ELAVL4: variants seen among roughly 807,000 people sequenced by gnomAD.
The protein encoded by ELAVL4 is ELAV-like protein 4.
ELAVL4 carries 1 observed loss-of-function variant against 35.6 expected under a neutral mutation model. The ratio of observed to expected loss-of-function variants is 0.03; its 90% CI spans 0.01 to 0.13. The LOEUF (loss-of-function observed/expected upper bound fraction) is 0.13, where lower values mean the gene tolerates loss of function less well. Ranked by LOEUF, ELAVL4 falls within the 10% of genes least tolerant of loss-of-function variation. ELAVL4 has a pLI of 1.00. For synonymous variants in ELAVL4, 156 were observed against 171.0 expected (o/e 0.91, Z 0.69); for missense variants, 267 against 464.9 (o/e 0.57, Z 3.91).
chr1:50,073,975 C>T (rs1018819889), intron 1 of ELAVL4, among the ~76,000 whole-genome samples: 4 of 152,158 alleles, frequency 2.6e-5, no homozygotes, highest in African/African-American at 9.7e-5. Context: ...TTTAGCTAAG[C>T]ATGGCTGCAA....
chr1:50,066,259 T>A (rs1446966167), intron 1 of ELAVL4, among the ~76,000 whole-genome samples: 1 of 152,184 alleles, frequency 6.6e-6, no homozygotes, highest in African/African-American at 2.4e-5. Flanking sequence ...AGACTGTGAG[T>A]TAAGGATGTT....
intron 3 of ELAVL4, among the ~76,000 whole-genome samples, chr1:50,179,005 C>T: frequency 6.6e-6 from 1 of 152,034 alleles, no homozygotes. Context: ...CTGTGGTTCC[C>T]CAAAGACTGA....
chr1:50,178,079 C>G (rs759420083), intron 3 of ELAVL4, among the ~76,000 whole-genome samples: 69 of 152,284 alleles, frequency 4.5e-4, no homozygotes, highest in Admixed American at 2.6e-3. Context: ...AGCCTGCCTC[C>G]TCCTCGGCCT....
At chr1:50,177,627 G>T (rs917531374) in intron 3 of ELAVL4, among the ~76,000 whole-genome samples, 2 of 152,168 alleles carry the variant, frequency 1.3e-5, no homozygotes, top group African/African-American at 2.4e-5. Context: ...GGATGGGAAG[G>T]TGAAAAGATG....
At chr1:50,140,536 T>A (rs1672649857) in intron 1 of ELAVL4, among the ~76,000 whole-genome samples, 1 of 152,228 alleles carries the variant, frequency 6.6e-6, no homozygotes, top group Admixed American at 6.5e-5. Flanking sequence ...TTCCAGGTAA[T>A]GTTTTAAAAT....
At chr1:50,198,604 C>T (rs965791053) in intron 6 of ELAVL4, among the ~76,000 whole-genome samples, 1 of 152,234 alleles carries the variant, frequency 6.6e-6, no homozygotes, top group Non-Finnish European at 1.5e-5. Flanking sequence ...TTCCAGCACA[C>T]TGTTTGCCTG....
chr1:50,131,097 G>A (rs1465583227), intron 1 of ELAVL4, among the ~76,000 whole-genome samples: 2 of 151,982 alleles, frequency 1.3e-5, no homozygotes, highest in Non-Finnish European at 2.9e-5. Flanking sequence ...ACTCAGAAAA[G>A]TAATGTTTTA....
At chr1:50,187,922 C>G (rs181501545) in intron 3 of ELAVL4, among the ~76,000 whole-genome samples, 2 of 152,170 alleles carry the variant, frequency 1.3e-5, no homozygotes, top group East Asian at 3.9e-4. Flanking sequence ...ATAGTGAAAT[C>G]CCTTCTCTAC....
intron 2 of ELAVL4, among the ~76,000 whole-genome samples, chr1:50,159,817 G>A (rs1406321742): frequency 1.3e-5 from 2 of 152,102 alleles, no homozygotes; most frequent in Non-Finnish European, 2.9e-5. Context: ...GAGGCAGTTT[G>A]CAACAGTTCC....
At chr1:50,177,243 A>T (rs1680202302) in intron 3 of ELAVL4, 51 bp downstream of exon 3, 2 of 1,411,398 alleles carry the variant, frequency 1.4e-6, no homozygotes, top group African/African-American at 1.4e-5. Flanking sequence ...GTTAAATTTC[A>T]TTCTGTTGAT....
chr1:50,100,643 A>G (rs1320001211), upstream of ELAVL4, among the ~76,000 whole-genome samples: 1 of 152,182 alleles, frequency 6.6e-6, no homozygotes, highest in East Asian at 1.9e-4. Context: ...ATTCATGCAT[A>G]AAAAGGAAAG....
chr1:50,118,326 T>C (rs1350106027), intron 1 of ELAVL4, among the ~76,000 whole-genome samples: 3 of 152,062 alleles, frequency 2.0e-5, no homozygotes, highest in Non-Finnish European at 4.4e-5. Context: ...AAAAAGTGGC[T>C]TAATGAGATT....
intron 1 of ELAVL4, among the ~76,000 whole-genome samples, chr1:50,124,531 G>A (rs974776874): frequency 7.2e-5 from 11 of 152,046 alleles, no homozygotes; most frequent in African/African-American, 2.4e-4. Context: ...AACCTAGTTT[G>A]TTTCATTCCA....
intron 1 of ELAVL4, among the ~76,000 whole-genome samples, chr1:50,125,034 A>T (rs1351982791): frequency 6.6e-6 from 1 of 152,006 alleles, no homozygotes; most frequent in Non-Finnish European, 1.5e-5. Flanking sequence ...CCTTGCCTTT[A>T]TGGAGCTTTC....
intron 3 of ELAVL4, among the ~76,000 whole-genome samples, chr1:50,183,710 CCT>C (rs995161432): frequency 2.6e-5 from 4 of 152,170 alleles, no homozygotes; most frequent in African/African-American, 9.7e-5. Flanking sequence ...TGCGCCTCCC[CCT>C]CTCCTCCCTG....
At chr1:50,135,484 T>C (rs1394885641) in intron 1 of ELAVL4, among the ~76,000 whole-genome samples, 1 of 152,134 alleles carries the variant, frequency 6.6e-6, no homozygotes, top group Non-Finnish European at 1.5e-5. Context: ...TTTTAATGAA[T>C]TATTTGTTTG....
chr1:50,191,396 G>A (rs1682642365), intron 3 of ELAVL4, among the ~76,000 whole-genome samples: 1 of 152,088 alleles, frequency 6.6e-6, no homozygotes, highest in Admixed American at 6.6e-5. Flanking sequence ...GATTCTGGGT[G>A]CCTGACTCTC....
chr1:50,060,602 G>A (rs1420585172), intron 1 of ELAVL4, among the ~76,000 whole-genome samples: 1 of 152,206 alleles, frequency 6.6e-6, no homozygotes, highest in Non-Finnish European at 1.5e-5. Flanking sequence ...GCCTCTAGCT[G>A]AGAAGGTGCT....
At chr1:50,178,455 A>ATCTT (rs896837184) in intron 3 of ELAVL4, among the ~76,000 whole-genome samples, 8 of 152,210 alleles carry the variant, frequency 5.3e-5, no homozygotes, top group African/African-American at 1.9e-4. Flanking sequence ...ATATGTGATT[A>ATCTT]TCTTTCTTTC....
Sources: allele counts gnomAD v4.1 joint callset (sites outside exome capture counted in the v4.1 genomes callset), GRCh38; gene constraint gnomAD v4.1.1; transcripts MANE v1.5; gene names NCBI Gene and HGNC (gene_info 2026-07-23, HGNC 2026-07-21).